The following ILDR2 variants were observed in gnomAD, a reference collection of about 807,000 sequenced individuals.
ILDR2 encodes the protein immunoglobulin-like domain-containing receptor 2.
Under a neutral mutation model 66.8 loss-of-function variants are expected in ILDR2, and 25 were observed. The observed-to-expected ratio is 0.37, with a 90% CI of 0.27 to 0.52. The LOEUF (loss-of-function observed/expected upper bound fraction) is 0.52, where lower values mean the gene tolerates loss of function less well. Ranked by LOEUF, ILDR2 falls within the 20% of genes least tolerant of loss-of-function variation. The probability of loss-of-function intolerance (pLI) is 0.88; values close to 1 mark genes in which losing one functional copy is unlikely to be tolerated. For missense variants in ILDR2, 827 were observed against 876.8 expected, an observed-to-expected ratio of 0.94 and a Z score of 0.72; for synonymous variants, 367 against 357.2, an observed-to-expected ratio of 1.03 and a Z score of -0.31.
At chr1:166,934,619 A>G (rs1432723120) in intron 6 of ILDR2, among the ~76,000 whole-genome samples, 3 of 152,162 alleles carry the variant, frequency 2.0e-5, no homozygotes, top group Non-Finnish European at 4.4e-5. Context: ...GGCCCTCCCC[A>G]GTCTGGCTCC....
intron 6 of ILDR2, among the ~76,000 whole-genome samples, chr1:166,927,874 G>T (rs1660396996): frequency 6.6e-6 from 1 of 152,176 alleles, no homozygotes; most frequent in Non-Finnish European, 1.5e-5. Flanking sequence ...CTGCGATGTG[G>T]TTACAAGCAG....
intron 2 of ILDR2, among the ~76,000 whole-genome samples, chr1:166,901,996 G>T (rs1267176453): frequency 3.9e-5 from 6 of 152,324 alleles, no homozygotes; most frequent in African/African-American, 1.4e-4. Context: ...GAGTAGCAGG[G>T]ATTACAGGCA....
rs527487746 is a variant in ILDR2 at position 166,957,663 on chromosome 1, T to C, written c.379+106A>G. ...TCCAATAAAATAAAAGTCTTGAGGG[T>C]CTGAAAGGGTGAGAGGCTAGAATAT... On this transcript the variant is annotated intron_variant, in intron 2 of 9. Transcript: ENST00000271417. 63 of 941,288 alleles carry C rather than the reference T, an allele frequency of 6.7e-5. No homozygotes were observed. In the East Asian group the frequency reaches 1.5e-3, roughly 22 times the overall value. The allele number at this position is 941,288 out of a possible 1,614,324, so 58.3% of individuals were successfully genotyped here. A position where few individuals can be genotyped will look rare whatever the true frequency, so the allele number is the denominator to read the frequency against.
intron 1 of ILDR2, among the ~76,000 whole-genome samples, chr1:166,969,224 G>A (rs1365810307): frequency 8.5e-5 from 13 of 152,222 alleles, no homozygotes. Context: ...GCAAGGGCAT[G>A]GAAGGAGTGA....
rs776092969 is a variant in ILDR2 at position 166,936,772 on chromosome 1, C to T, written c.557-35G>A. ...TGCACAAAGAAATCCACACTCGAGG[C>T]AGCCCACCTCCAGGGCAGGGTGCAC... On this transcript the variant is annotated intron_variant, in intron 4 of 9. Coordinates refer to ENST00000271417, the MANE Select transcript of ILDR2 (RefSeq NM_199351.3). This position sits in a 1 kb window ranked among gnomAD's most constrained non-coding sequence, Gnocchi z 5.0. The T allele has an allele frequency of 8.1e-6, 13 of 1,610,628 alleles. No individual in the cohort carries two copies. Among genetic ancestry groups the T allele is most frequent in the Non-Finnish European group, 1.0e-5 (12 of 1,177,576 alleles).
At position 166,930,404 on chromosome 1, in the gene ILDR2, A is replaced by G. The variant is rs573433348; in HGVS notation, c.881-3224T>C. ...GCAGCCCATGACTTCAGAAATCTAA[A>G]TTCCTCTAATTTGTCAAAAAAGACA... On this transcript the variant is annotated intron_variant, in intron 6 of 9. Coordinates refer to ENST00000271417, the MANE Select transcript of ILDR2 (RefSeq NM_199351.3). Among the ~76,000 whole-genome samples the G allele has an allele frequency of 5.9e-5, 9 of 152,296 alleles. No homozygotes were observed. In the East Asian group the frequency reaches 1.5e-3, roughly 26 times the overall value.
Position 166,916,832 on chromosome 1 carries a change from ATTCT to A in ILDR2, c.*2519_*2522del, listed in dbSNP as rs1272738029. On this transcript the variant is annotated 3_prime_UTR_variant, in exon 10 of 10. Transcript: ENST00000271417. ...GAATTGCAGGTTTCCAATTTTAATA[ATTCT>A]TTCTTTCCCATTGCTACCCTCAACC... The A allele has an allele frequency of 6.6e-6, 1 of 152,138 alleles. No individual in the cohort carries two copies. Among genetic ancestry groups the A allele is most frequent in the Non-Finnish European group, 1.5e-5 (1 of 68,044 alleles). The allele number at this position is 152,138 out of a possible 1,614,324, so 9.4% of individuals were successfully genotyped here.
At chr1:166,953,863 G>A (rs1662124540) in intron 3 of ILDR2, among the ~76,000 whole-genome samples, 1 of 152,104 alleles carries the variant, frequency 6.6e-6, no homozygotes, top group South Asian at 2.1e-4. Flanking sequence ...TACCTCCAGG[G>A]ACATAGAACT....
chr1:166,952,294 C>G (rs1046665201), intron 3 of ILDR2, among the ~76,000 whole-genome samples: 1 of 152,116 alleles, frequency 6.6e-6, no homozygotes, highest in African/African-American at 2.4e-5. Flanking sequence ...CTAGACACTC[C>G]CATCTTCTGT....
chr1:166,908,645 AG>A lies in ILDR2; in HGVS notation c.*10709del, dbSNP rs1659396712. On this transcript the variant is annotated 3_prime_UTR_variant, in exon 10 of 10. Transcript: ENST00000271417. The stretch of plus-strand genomic sequence containing the variant: ...AGAAGGTGAATAATTAGGAGACAAC[AG>A]GAAGTAGGAGACAAGAAATGAGGGT... 1 of 152,312 alleles carries A rather than the reference AG, an allele frequency of 6.6e-6. No individual in the cohort carries two copies. The highest frequency in any genetic ancestry group is 1.5e-5 in the Non-Finnish European group (1 of 68,086). 9.4% of individuals were successfully genotyped at this position (152,312 alleles called of 1,614,324 possible).
chr1:166,945,208 G>C (rs1661545478), intron 3 of ILDR2, among the ~76,000 whole-genome samples: 1 of 152,206 alleles, frequency 6.6e-6, no homozygotes, highest in Non-Finnish European at 1.5e-5. Context: ...GCATTCTCCA[G>C]TCATTGGAAT....
chr1:166,933,379 A>G (rs1440942677), intron 6 of ILDR2: 1 of 159,584 alleles, frequency 6.3e-6, no homozygotes, highest in East Asian at 1.9e-4. Flanking sequence ...TCATGAGGTA[A>G]GCCAGCTGAG....
At position 166,958,113 on chromosome 1, in the gene ILDR2, A is replaced by T. The variant is rs760590499; in HGVS notation, c.47-12T>A. 1 of 1,600,088 alleles carries T rather than the reference A, an allele frequency of 6.2e-7. No individual in the cohort carries two copies. Among genetic ancestry groups the T allele is most frequent in the South Asian group, 1.1e-5 (1 of 90,126 alleles). ...GCCTTCGACCATGGCTGCAAAACAG[A>T]ATAAACATGTCCGAACAGTGTCCAT... On this transcript the variant is annotated splice_polypyrimidine_tract_variant and intron_variant, in intron 1 of 9. Transcript: ENST00000271417.
At chr1:166,950,492 A>G (rs1254451300) in intron 3 of ILDR2, among the ~76,000 whole-genome samples, 1 of 152,096 alleles carries the variant, frequency 6.6e-6, no homozygotes, top group Non-Finnish European at 1.5e-5. Flanking sequence ...GGTGGACAGG[A>G]TTCAAACTGA....
intron 2 of ILDR2, among the ~76,000 whole-genome samples, chr1:166,901,488 A>C (rs1659263456): frequency 6.6e-6 from 1 of 152,140 alleles, no homozygotes; most frequent in Non-Finnish European, 1.5e-5. Flanking sequence ...CTTTGACACC[A>C]AGACATTATT....
At chr1:166,962,535 A>G (rs189591582) in intron 1 of ILDR2, among the ~76,000 whole-genome samples, 1 of 152,104 alleles carries the variant, frequency 6.6e-6, no homozygotes, top group Admixed American at 6.5e-5. Flanking sequence ...CTCTCATGGG[A>G]CCCACATAGA....
Position 166,914,488 on chromosome 1 carries a change from G to A in ILDR2, c.*4867C>T, listed in dbSNP as rs1014466457. On this transcript the variant is annotated 3_prime_UTR_variant, in exon 10 of 10. Transcript: ENST00000271417. ...ACCTCAGTTTTACATTCTATGTAAT[G>A]AGACCACAACATCTGCCCTGCCTCT... 12 of 152,264 alleles carry A rather than the reference G, an allele frequency of 7.9e-5. No individual in the cohort carries two copies. Among genetic ancestry groups the A allele is most frequent in the Middle Eastern group, 3.2e-3 (1 of 316 alleles). The allele number at this position is 152,264 out of a possible 1,614,324, so 9.4% of individuals were successfully genotyped here.
chr1:166,943,507 A>AAAAAAAAAAGG (rs1231365947), intron 3 of ILDR2, among the ~76,000 whole-genome samples: 1 of 151,338 alleles, frequency 6.6e-6, no homozygotes, highest in African/African-American at 2.4e-5. Context: ...AAAAAAAAAA[A>AAAAAAAAAAGG]AAAAAAAAAG....
intron 1 of ILDR2, among the ~76,000 whole-genome samples, chr1:166,962,113 C>A (rs1662654592): frequency 6.6e-6 from 1 of 152,154 alleles, no homozygotes; most frequent in Admixed American, 6.5e-5. Flanking sequence ...CCAATCCCTG[C>A]TTCCACACTA....
Sources: gnomAD v4.1 joint callset for allele counts (sites outside exome capture counted in the v4.1 genomes callset) on GRCh38, gnomAD v4.1.1 for gene constraint, Gnocchi (gnomAD v3.1) non-coding constraint, MANE v1.5 for transcripts, NCBI Gene and HGNC (gene_info 2026-07-23, HGNC 2026-07-21) for gene names.